The following LUZP2 variants were observed in gnomAD, a reference collection of about 807,000 sequenced individuals.
LUZP2 encodes leucine zipper protein 2.
A neutral mutation model predicts 51.6 loss-of-function variants in LUZP2; 52 were observed. The ratio of observed to expected loss-of-function variants is 1.01; its 90% CI spans 0.81 to 1.27. The LOEUF (loss-of-function observed/expected upper bound fraction) is 1.27, where lower values mean the gene tolerates loss of function less well. Among genes scored for constraint, LUZP2 ranks in the 50% most tolerant of loss-of-function variants. The probability of loss-of-function intolerance (pLI) is 0.00; values close to 1 mark genes in which losing one functional copy is unlikely to be tolerated. For missense variants in LUZP2, 436 were observed against 395.4 expected (o/e 1.10, Z -0.87); for synonymous variants, 154 against 137.3 (o/e 1.12, Z -0.85).
chr11:24,752,840 A>G (rs551133676), intron 4 of LUZP2, among the ~76,000 whole-genome samples: 1 of 152,262 alleles, frequency 6.6e-6, no homozygotes, highest in African/African-American at 2.4e-5. Context: ...AAAATGGGTT[A>G]AATTTAATAA....
intron 5 of LUZP2, among the ~76,000 whole-genome samples, chr11:24,805,009 T>A (rs1255110322): frequency 6.7e-6 from 1 of 149,590 alleles, no homozygotes; most frequent in East Asian, 2.0e-4. Flanking sequence ...CCGGCTAACT[T>A]TTTTTTTTTT....
At chr11:24,693,285 C>T (rs563856357) in intron 1 of LUZP2, among the ~76,000 whole-genome samples, 1 of 151,332 alleles carries the variant, frequency 6.6e-6, no homozygotes, top group South Asian at 2.1e-4. Flanking sequence ...ACTAGAATGG[C>T]AATATTTTCT....
At chr11:25,008,528 CT>C (rs1354046942) in intron 9 of LUZP2, among the ~76,000 whole-genome samples, 1 of 152,158 alleles carries the variant, frequency 6.6e-6, no homozygotes, top group African/African-American at 2.4e-5. Flanking sequence ...CCATTTGCAG[CT>C]TGGTGAACTG....
intron 9 of LUZP2, among the ~76,000 whole-genome samples, chr11:25,002,302 G>T (rs1377110361): frequency 6.6e-6 from 1 of 152,106 alleles, no homozygotes; most frequent in Non-Finnish European, 1.5e-5. Context: ...ATAGGTTAAG[G>T]TCAGGATTAG....
intron 5 of LUZP2, among the ~76,000 whole-genome samples, chr11:24,792,990 T>A (rs1849447902): frequency 6.6e-6 from 1 of 152,202 alleles, no homozygotes; most frequent in Non-Finnish European, 1.5e-5. Flanking sequence ...TTTTCCAGAT[T>A]CATTGTCTTT....
At chr11:24,908,377 G>A (rs746739119) in intron 6 of LUZP2, among the ~76,000 whole-genome samples, 2 of 152,012 alleles carry the variant, frequency 1.3e-5, no homozygotes, top group Non-Finnish European at 2.9e-5. Flanking sequence ...TCCTGAATGG[G>A]ATAAAAAAGC....
At position 25,079,919 on chromosome 11, in the gene LUZP2, A is replaced by T; in HGVS notation, c.*1261A>T. 1 of 152,198 alleles carries T rather than the reference A, an allele frequency of 6.6e-6. No homozygotes were observed. Among genetic ancestry groups the T allele is most frequent in the East Asian group, 1.9e-4 (1 of 5,190 alleles). The allele number at this position is 152,198 out of a possible 1,614,324, so 9.4% of individuals were successfully genotyped here. On this transcript the variant is annotated 3_prime_UTR_variant, in exon 12 of 12. Coordinates refer to ENST00000336930, the MANE Select transcript of LUZP2 (RefSeq NM_001009909.4). ...AGGAGACAGTTAATAAAAATGTATT[A>T]AAGGAAATCTTTAATCAATAAATGA...
chr11:24,858,722 G>A (rs1053220974), intron 5 of LUZP2, among the ~76,000 whole-genome samples: 10 of 152,298 alleles, frequency 6.6e-5, no homozygotes, highest in Middle Eastern at 3.4e-3. Context: ...TGCAAAGCAG[G>A]ACAAGGTGTA....
intron 9 of LUZP2, among the ~76,000 whole-genome samples, chr11:25,041,875 G>A (rs977539200): frequency 3.9e-5 from 6 of 152,308 alleles, no homozygotes; most frequent in Non-Finnish European, 8.8e-5. Flanking sequence ...CAGATCAGTG[G>A]CAGCATTAGA....
intron 9 of LUZP2, among the ~76,000 whole-genome samples, chr11:25,003,521 T>C (rs1010651226): frequency 6.6e-6 from 1 of 152,224 alleles, no homozygotes; most frequent in African/African-American, 2.4e-5. Flanking sequence ...CTTGCACTAG[T>C]CTCCACTGAC....
At chr11:24,905,522 C>T (rs1009000850) in intron 5 of LUZP2, among the ~76,000 whole-genome samples, 1 of 151,654 alleles carries the variant, frequency 6.6e-6, no homozygotes, top group African/African-American at 2.4e-5. Context: ...AGTGAAACTT[C>T]GCTCAAAAAA....
In LUZP2 at chr11:24,630,049, GT is replaced by G. The variant is rs1169117506; in HGVS notation, c.63-99115del. The stretch of plus-strand genomic sequence containing the variant: ...ACTGTTTAATGGGATTACTTTTTTT[GT>G]TTTTACTGAGTCGTTGAAGTTTCTT... On this transcript the variant is annotated intron_variant, in intron 1 of 11. Transcript: ENST00000336930. Among the ~76,000 whole-genome samples the G allele has an allele frequency of 5.3e-5, 8 of 150,740 alleles. No individual in the cohort carries two copies. The East Asian group carries it at 1.6e-3, about 29-fold the overall frequency.
At chr11:25,007,884 G>A (rs1856876873) in intron 9 of LUZP2, among the ~76,000 whole-genome samples, 1 of 152,000 alleles carries the variant, frequency 6.6e-6, no homozygotes, top group African/African-American at 2.4e-5. Flanking sequence ...TACTAACATT[G>A]GTCAGAAATT....
At chr11:25,062,306 CA>C (rs1858862365) in intron 10 of LUZP2, among the ~76,000 whole-genome samples, 1 of 151,276 alleles carries the variant, frequency 6.6e-6, no homozygotes, top group African/African-American at 2.4e-5. Flanking sequence ...CCTCCAGGGC[CA>C]AGCATGGTGG....
intron 1 of LUZP2, among the ~76,000 whole-genome samples, chr11:24,630,150 A>G (rs1046260313): frequency 6.6e-5 from 10 of 151,274 alleles, no homozygotes; most frequent in African/African-American, 2.4e-4. Flanking sequence ...TTGTCTGTTC[A>G]CTCTGTTAAT....
chr11:24,626,779 T>C (rs4923200), intron 1 of LUZP2, among the ~76,000 whole-genome samples: 37,289 of 152,060 alleles, frequency 0.25, 4,780 homozygotes, highest in East Asian at 0.33. Flanking sequence ...TTTCTGAACC[T>C]GATCAACATT....
rs569768799 is a variant in LUZP2, at chr11:24,657,826, T to C, written c.63-71343T>C. Among the ~76,000 whole-genome samples, 52 of 152,284 alleles carry C rather than the reference T, an allele frequency of 3.4e-4. 2 individuals carry two copies. In the South Asian group the frequency reaches 0.011, roughly 32 times the overall value. On this transcript the variant is annotated intron_variant, in intron 1 of 11. Transcript: ENST00000336930. ...TCATGAGTGAACTCCCATTCACAAT[T>C]GCTTCAAAGAGAATAAAATACCTAG...
chr11:24,538,686 CT>C (rs991328322), intron 1 of LUZP2, among the ~76,000 whole-genome samples: 2 of 149,960 alleles, frequency 1.3e-5, no homozygotes, highest in African/African-American at 4.9e-5. Flanking sequence ...ATATATAAAA[CT>C]TTCAAAAAAA....
At chr11:25,012,661 T>G (rs1348967050) in intron 9 of LUZP2, among the ~76,000 whole-genome samples, 1 of 152,054 alleles carries the variant, frequency 6.6e-6, no homozygotes, top group Non-Finnish European at 1.5e-5. Flanking sequence ...AAATATGAAC[T>G]TCAGGGAGAT....
Sources: gnomAD v4.1 joint callset for allele counts (sites outside exome capture counted in the v4.1 genomes callset) on GRCh38, gnomAD v4.1.1 for gene constraint, MANE v1.5 for transcripts, NCBI Gene and HGNC (gene_info 2026-07-23, HGNC 2026-07-21) for gene names.